HIP1: variants seen among roughly 807,000 people sequenced by gnomAD.
The protein encoded by HIP1 is huntingtin interacting protein 1, also known as huntingtin-interacting protein 1.
A neutral mutation model predicts 147.6 loss-of-function variants in HIP1; 65 were observed. The ratio of observed to expected loss-of-function variants is 0.44; its 90% CI spans 0.36 to 0.54. The LOEUF (loss-of-function observed/expected upper bound fraction) is 0.54. HIP1 is among the 20% of genes least tolerant of loss of function. The pLI is 0.00. For synonymous variants in HIP1, 479 were observed against 504.0 expected (o/e 0.95, Z 0.67); for missense variants, 1,061 against 1,299.6 (o/e 0.82, Z 2.82).
chr7:75,590,375 C>G (rs1224623565), intron 4 of HIP1, among the ~76,000 whole-genome samples: 6 of 151,044 alleles, frequency 4.0e-5, no homozygotes, highest in Non-Finnish European at 7.4e-5. Flanking sequence ...ATGCCAAAAA[C>G]AAAAAAAGTA....
At chr7:75,584,802 C>A (rs1554499223) in intron 5 of HIP1, among the ~76,000 whole-genome samples, 1 of 152,076 alleles carries the variant, frequency 6.6e-6, no homozygotes, top group Admixed American at 6.6e-5. Context: ...TCCTTTTCCA[C>A]CTAAAATCCT....
rs1411572316 is a variant in HIP1 at position 75,611,645 on chromosome 7, G to GT, written c.121-12399dup. On this transcript the variant is annotated intron_variant, in intron 1 of 30. Coordinates refer to ENST00000336926, the MANE Select transcript of HIP1 (RefSeq NM_005338.7). ...CCCCTCCCAGCACCAAGGGCGGGCA[G>GT]TGCGGGGCTGGGTGTCTCACCTCTG... The GT allele has an allele frequency of 4.9e-5, 50 of 1,019,470 alleles. No individual in the cohort carries two copies. The East Asian group carries it at 3.2e-3, about 64-fold the overall frequency. 63.2% of individuals were successfully genotyped at this position (1,019,470 alleles called of 1,614,324 possible).
chr7:75,635,722 G>C (rs879997959), intron 1 of HIP1, among the ~76,000 whole-genome samples: 3 of 152,000 alleles, frequency 2.0e-5, no homozygotes, highest in Admixed American at 2.0e-4. Flanking sequence ...GAAGAAACTT[G>C]CTAAAAATCA....
rs782233202 is a variant in HIP1 at position 75,562,971 on chromosome 7, C to A, written c.984G>T (p.Glu328Asp). 2 of 1,614,202 alleles carry A rather than the reference C, an allele frequency of 1.2e-6. No individual in the cohort carries two copies. The highest frequency in any genetic ancestry group is 1.7e-6 in the Non-Finnish European group (2 of 1,180,030). ...CATCCATGTCCATGAGGTCATCCTT[C>A]TCTAGGACTGGCTCGCTGTCGGGGG... ...ASSPDSEPVLEKDDLMDMDAS... is the reference protein window; with the variant it reads ...ASSPDSEPVLDKDDLMDMDAS... The change falls in exon 11 of 31, where the codon GAG (glutamate) becomes GAT (aspartate). Residue 328 changes from glutamate to aspartate, a missense_variant. Transcript: ENST00000336926.
At chr7:75,708,561 T>C (rs1389924732) in intron 1 of HIP1, among the ~76,000 whole-genome samples, 1 of 152,168 alleles carries the variant, frequency 6.6e-6, no homozygotes, top group Non-Finnish European at 1.5e-5. Context: ...ATTCATTCTC[T>C]TGCATGTGGA....
At position 75,545,629 on chromosome 7, in the gene HIP1, G is replaced by A. The variant is rs587671219; in HGVS notation, c.2560-441C>T. Reference sequence around the variant, plus strand: ...TGCACTCTAGCCTGAGCAACAGAGCGAGATTCTGTCTCAAACAAAACAAAA... The same window carrying A: ...TGCACTCTAGCCTGAGCAACAGAGCAAGATTCTGTCTCAAACAAAACAAAA... On this transcript the variant is annotated intron_variant, in intron 25 of 30. Transcript: ENST00000336926. 5.4e-4 allele frequency among the ~76,000 whole-genome samples: 81 copies of A among 150,270 alleles called. 1 individual carries two copies. In the East Asian group the frequency reaches 5.8e-3, roughly 11 times the overall value.
At chr7:75,735,378 G>C (rs1801983734) in intron 1 of HIP1, among the ~76,000 whole-genome samples, 1 of 152,168 alleles carries the variant, frequency 6.6e-6, no homozygotes, top group Admixed American at 6.5e-5. Context: ...AAATGTGGCT[G>C]ATACCCACCT....
At chr7:75,583,208 T>A (rs1554498916) in intron 5 of HIP1, among the ~76,000 whole-genome samples, 1 of 152,054 alleles carries the variant, frequency 6.6e-6, no homozygotes, top group Non-Finnish European at 1.5e-5. Context: ...AGTCTTGACA[T>A]CATGACTGGT....
chr7:75,558,185 G>A lies in HIP1; in HGVS notation c.1446C>T (p.His482=), dbSNP rs376040240. The A allele has an allele frequency of 3.0e-5, 48 of 1,613,776 alleles. No individual in the cohort carries two copies. The highest frequency in any genetic ancestry group is 5.5e-5 in the South Asian group (5 of 91,086). Residue 482 remains histidine (H), a synonymous_variant, in exon 15 of 31, where the codon CAC becomes CAT. Transcript: ENST00000336926. ...KEKYSELVQN[H]ADLLRKNAEV... is the part of the protein sequence containing the mutation. ...GTCTTACCTTCCGCAGCAGGTCAGC[G>A]TGGTTCTGAACCAGCTCGCTGTACT...
In HIP1 at chr7:75,559,729, C is replaced by T; in HGVS notation, c.1375+3G>A. The stretch of plus-strand genomic sequence containing the variant: ...CCCGCCCCCGCCCCCACCCACCGCT[C>T]ACTTTCTATCTCAGACAGGCTCCGC... On this transcript the variant is annotated splice_donor_region_variant and intron_variant, in intron 14 of 30. Coordinates refer to ENST00000336926, the MANE Select transcript of HIP1 (RefSeq NM_005338.7). The T allele has an allele frequency of 7.8e-7, 1 of 1,274,326 alleles. No individual in the cohort carries two copies. The highest frequency in any genetic ancestry group is 2.8e-5 in the East Asian group (1 of 35,324). 78.9% of individuals were successfully genotyped at this position (1,274,326 alleles called of 1,614,324 possible).
intron 1 of HIP1, among the ~76,000 whole-genome samples, chr7:75,645,263 G>A (rs940387014): frequency 6.6e-6 from 1 of 151,736 alleles, no homozygotes; most frequent in African/African-American, 2.4e-5. Context: ...TTTCACTCTT[G>A]TTCCCCAGGC....
intron 1 of HIP1, among the ~76,000 whole-genome samples, chr7:75,657,150 A>G (rs1472709927): frequency 2.0e-5 from 3 of 152,254 alleles, no homozygotes; most frequent in Non-Finnish European, 4.4e-5. Context: ...TGGCAAAGAC[A>G]TGGAATTAAC....
chr7:75,573,613 C>T (rs1454798615), intron 8 of HIP1, 148 bp downstream of exon 8: 2 of 771,746 alleles, frequency 2.6e-6, no homozygotes, highest in East Asian at 5.3e-5. Context: ...TTTATCCTCA[C>T]AATGGTCAGA....
chr7:75,660,110 G>C (rs782026912), intron 1 of HIP1, among the ~76,000 whole-genome samples: 1 of 150,750 alleles, frequency 6.6e-6, no homozygotes, highest in African/African-American at 2.4e-5. Flanking sequence ...TGGCAACAGA[G>C]CAAGACTCCG....
intron 1 of HIP1, among the ~76,000 whole-genome samples, chr7:75,608,492 T>C (rs1554504273): frequency 6.6e-6 from 1 of 152,166 alleles, no homozygotes; most frequent in Non-Finnish European, 1.5e-5. Context: ...TTTCAGGCTT[T>C]ATACATTATG....
At chr7:75,729,147 T>A (rs1188517347) in intron 1 of HIP1, among the ~76,000 whole-genome samples, 16 of 124,342 alleles carry the variant, frequency 1.3e-4, no homozygotes, top group South Asian at 2.6e-4. Context: ...TGAATAAAAA[T>A]AAGAAACTAG....
chr7:75,559,431 C>A (rs1795137853), intron 14 of HIP1, among the ~76,000 whole-genome samples: 1 of 152,260 alleles, frequency 6.6e-6, no homozygotes, highest in African/African-American at 2.4e-5. Context: ...ATGTCAATTT[C>A]TTTGTTAGGA....
At chr7:75,634,222 T>C (rs943829376) in intron 1 of HIP1, among the ~76,000 whole-genome samples, 1 of 151,764 alleles carries the variant, frequency 6.6e-6, no homozygotes, top group Non-Finnish European at 1.5e-5. Context: ...ATCGCACCAC[T>C]GCACCCCAGC....
chr7:75,715,489 A>G (rs1351784121), intron 1 of HIP1, among the ~76,000 whole-genome samples: 1 of 143,484 alleles, frequency 7.0e-6, no homozygotes, highest in Non-Finnish European at 1.5e-5. Flanking sequence ...AGAGAGAGAA[A>G]GGCCAGGTGT....
Sources: allele counts gnomAD v4.1 joint callset (sites outside exome capture counted in the v4.1 genomes callset), GRCh38; gene constraint gnomAD v4.1.1; transcripts MANE v1.5; gene names NCBI Gene and HGNC (gene_info 2026-07-23, HGNC 2026-07-21).